The following TMEM140 variants were observed in gnomAD, a reference collection of about 807,000 sequenced individuals.
TMEM140 encodes transmembrane protein 140.
For synonymous variants in TMEM140, 107 were observed against 106.8 expected (o/e 1.00, Z -0.01); for missense variants, 236 against 228.5 (o/e 1.03, Z -0.21).
At chr7:135,153,456 C>CAAAAAAA (rs55776467) in intron 1 of TMEM140, among the ~76,000 whole-genome samples, 4 of 81,352 alleles carry the variant, frequency 4.9e-5, no homozygotes, top group Admixed American at 1.5e-4. Flanking sequence ...TCCATCTCCA[C>CAAAAAAA]AAAAAAAAAA....
intron 1 of TMEM140, among the ~76,000 whole-genome samples, chr7:135,150,581 GAA>G (rs1829644406): frequency 6.6e-6 from 1 of 152,152 alleles, no homozygotes. Context: ...TGTAATTGCG[GAA>G]GAGAGGGCTG....
intron 1 of TMEM140, among the ~76,000 whole-genome samples, chr7:135,160,444 G>T (rs1198598510): frequency 6.6e-6 from 1 of 152,242 alleles, no homozygotes; most frequent in Non-Finnish European, 1.5e-5. Flanking sequence ...GGCCCATGGG[G>T]AAGTAGAGAA....
rs1479190259 is a variant in TMEM140, at chr7:135,164,762, C to A, written c.321C>A (p.Asn107Lys). 1 of 1,614,226 alleles carries A rather than the reference C, an allele frequency of 6.2e-7. No individual in the cohort carries two copies. The highest frequency in any genetic ancestry group is 1.7e-5 in the Admixed American group (1 of 60,028). ...AGCCTCTCCTCCTAGCCCAGTGCAA[C>A]AGTGATGAGAGAGCGTGGCGGCTGG... is the stretch of plus-strand genomic sequence containing the variant. ...APQPLLLAQC[N>K]SDERAWRLAV... The change falls in exon 2 of 2, where the codon AAC (asparagine) becomes AAA (lysine). Residue 107 changes from asparagine (N) to lysine (K), a missense_variant. Transcript: ENST00000275767.
chr7:135,151,656 G>A lies in TMEM140; in HGVS notation c.-25+3386G>A, dbSNP rs1322183796. 2.6e-5 allele frequency among the ~76,000 whole-genome samples: 4 copies of A among 152,174 alleles called. No homozygotes were observed. Among genetic ancestry groups the A allele is most frequent in the African/African-American group, 4.8e-5 (2 of 41,432 alleles). ...GACACATTGACCCAGTTTGTGTCAG[G>A]CCCCAAGCCCTCTATATGTGAGTGA... is the stretch of plus-strand genomic sequence containing the variant. On this transcript the variant is annotated intron_variant, in intron 1 of 1. Transcript: ENST00000275767. The surrounding 1 kb of genome is among the most constrained non-coding windows in gnomAD (Gnocchi z 4.3).
At chr7:135,156,833 CAT>C (rs996052862) in intron 1 of TMEM140, among the ~76,000 whole-genome samples, 1 of 152,156 alleles carries the variant, frequency 6.6e-6, no homozygotes, top group Admixed American at 6.5e-5. Context: ...ATAATTCCCA[CAT>C]GTTGTGAGAG....
chr7:135,154,515 C>A (rs1438890137), intron 1 of TMEM140, among the ~76,000 whole-genome samples: 2 of 152,166 alleles, frequency 1.3e-5, no homozygotes, highest in Non-Finnish European at 2.9e-5. Flanking sequence ...CCTCTTAGCA[C>A]TTCTTTTGCT....
intron 1 of TMEM140, among the ~76,000 whole-genome samples, chr7:135,156,952 C>G (rs1161220431): frequency 1.3e-5 from 2 of 152,170 alleles, no homozygotes. Context: ...AGGGTTTCTG[C>G]TTTTGCTTCC....
At chr7:135,162,315 C>G (rs1829963560) in intron 1 of TMEM140, among the ~76,000 whole-genome samples, 1 of 152,212 alleles carries the variant, frequency 6.6e-6, no homozygotes. Flanking sequence ...CCTGGGACTC[C>G]CTGCTGGGGC....
chr7:135,160,060 G>A (rs1829889150), intron 1 of TMEM140, among the ~76,000 whole-genome samples: 1 of 152,118 alleles, frequency 6.6e-6, no homozygotes, highest in Non-Finnish European at 1.5e-5. Context: ...TAATGTTTAG[G>A]AACCATTTCT....
intron 1 of TMEM140, 27 bp downstream of exon 1, chr7:135,148,297 A>C (rs1490770739): frequency 2.8e-6 from 1 of 354,362 alleles, no homozygotes; most frequent in Non-Finnish European, 5.5e-6. Flanking sequence ...CAAGCATCAC[A>C]GCTTACCCAG....
intron 1 of TMEM140, among the ~76,000 whole-genome samples, chr7:135,152,593 A>C (rs906713277): frequency 6.6e-6 from 1 of 152,224 alleles, no homozygotes; most frequent in Non-Finnish European, 1.5e-5. Flanking sequence ...CATATAGTAA[A>C]TTCTCAAGAG....
intron 1 of TMEM140, among the ~76,000 whole-genome samples, chr7:135,158,201 G>A (rs997104605): frequency 6.6e-6 from 1 of 151,962 alleles, no homozygotes; most frequent in Non-Finnish European, 1.5e-5. Context: ...CAGGCAGCAT[G>A]GGCAAGAAGC....
Position 135,164,469 on chromosome 7 carries a change from G to A in TMEM140, c.28G>A (p.Asp10Asn), listed in dbSNP as rs151072952. The change falls in exon 2 of 2, where the codon GAC (aspartate) becomes AAC (asparagine). Residue 10 changes from aspartate to asparagine, a missense_variant. By Grantham distance (23) the Asp-to-Asn change is conservative. Coordinates refer to ENST00000275767, the MANE Select transcript of TMEM140 (RefSeq NM_018295.5). MAGPRPRWR[D>N]QLLFMSIIVL... ...GGCCGGCCCAAGGCCTCGGTGGCGCGACCAGCTGCTGTTCATGAGCATCAT... is the reference window on the plus strand; with the variant it reads ...GGCCGGCCCAAGGCCTCGGTGGCGCAACCAGCTGCTGTTCATGAGCATCAT... 3.9e-5 allele frequency: 62 copies of A among 1,597,928 alleles called. No individual in the cohort carries two copies. Among genetic ancestry groups the A allele is most frequent in the African/African-American group, 2.0e-4 (15 of 74,656 alleles).
chr7:135,165,042 A>C lies in TMEM140; in HGVS notation c.*43A>C. The stretch of plus-strand genomic sequence containing the variant: ...AGGGTTCAGTTCCAACCATGGTCAG[A>C]GGTGGCACATCTGCTCAGCCATCTC... On this transcript the variant is annotated 3_prime_UTR_variant, in exon 2 of 2. Coordinates refer to ENST00000275767, the MANE Select transcript of TMEM140 (RefSeq NM_018295.5). The C allele has an allele frequency of 6.6e-7, 1 of 1,521,010 alleles. No individual in the cohort carries two copies. Among genetic ancestry groups the C allele is most frequent in the Non-Finnish European group, 8.8e-7 (1 of 1,131,210 alleles). The allele number at this position is 1,521,010 out of a possible 1,614,324, so 94.2% of individuals were successfully genotyped here.
At chr7:135,149,438 G>T (rs1829618822) in intron 1 of TMEM140, among the ~76,000 whole-genome samples, 1 of 152,098 alleles carries the variant, frequency 6.6e-6, no homozygotes, top group Non-Finnish European at 1.5e-5. Flanking sequence ...TCTGATATTG[G>T]ACTTTCAAGC....
intron 1 of TMEM140, among the ~76,000 whole-genome samples, chr7:135,157,887 CA>C (rs1829834505): frequency 6.6e-6 from 1 of 152,270 alleles, no homozygotes; most frequent in African/African-American, 2.4e-5. Context: ...ATTAAACTCT[CA>C]AAATGGTGCC....
At position 135,163,284 on chromosome 7, in the gene TMEM140, G is replaced by A. The variant is rs142971913; in HGVS notation, c.-24-1134G>A. ...TCAGTACAGGAAGAAAATATTGGTA[G>A]AATATTAACAGTGGTTTTATGTGTA... On this transcript the variant is annotated intron_variant, in intron 1 of 1. Coordinates refer to ENST00000275767, the MANE Select transcript of TMEM140 (RefSeq NM_018295.5). Among the ~76,000 whole-genome samples, 7 of 152,290 alleles carry A rather than the reference G, an allele frequency of 4.6e-5. 2 individuals are homozygous for A. Among genetic ancestry groups the A allele is most frequent in the African/African-American group, 1.7e-4 (7 of 41,552 alleles).
chr7:135,158,673 G>A (rs1427164387), intron 1 of TMEM140, among the ~76,000 whole-genome samples: 2 of 151,122 alleles, frequency 1.3e-5, no homozygotes, highest in Admixed American at 6.6e-5. Context: ...CCTGGGATCA[G>A]AGAGTGTCCC....
intron 1 of TMEM140, among the ~76,000 whole-genome samples, chr7:135,159,451 C>A (rs542683988): frequency 6.6e-6 from 1 of 152,346 alleles, no homozygotes; most frequent in African/African-American, 2.4e-5. Flanking sequence ...TTAAATTAAT[C>A]TCCTGAGAAT....
Sources: allele counts gnomAD v4.1 joint callset (sites outside exome capture counted in the v4.1 genomes callset), GRCh38; gene constraint gnomAD v4.1.1; non-coding constraint Gnocchi (gnomAD v3.1); transcripts MANE v1.5; gene names NCBI Gene and HGNC (gene_info 2026-07-23, HGNC 2026-07-21).